IQCH: variants seen among roughly 807,000 people sequenced by gnomAD.
IQCH encodes IQ domain-containing protein H.
Under a neutral mutation model 117.0 loss-of-function variants are expected in IQCH, and 98 were observed. The observed-to-expected ratio is 0.84, with a 90% CI of 0.71 to 0.99. IQCH has a LOEUF of 0.99. Ranked by LOEUF, IQCH falls within the 50% of genes least tolerant of loss-of-function variation. The probability of loss-of-function intolerance (pLI) is 0.00; values close to 1 mark genes in which losing one functional copy is unlikely to be tolerated. For synonymous variants in IQCH, 412 were observed against 448.2 expected, an observed-to-expected ratio of 0.92 and a Z score of 1.02; for missense variants, 1,102 against 1,243.8, an observed-to-expected ratio of 0.89 and a Z score of 1.72.
chr15:67,374,135 T>G (rs1470932957), intron 10 of IQCH: 1 of 152,372 alleles, frequency 6.6e-6, no homozygotes, highest in Non-Finnish European at 1.5e-5. Flanking sequence ...AAATTTGCAT[T>G]GGAGTTTCTT....
chr15:67,394,085 C>CT (rs778843374), intron 12 of IQCH, among the ~76,000 whole-genome samples: 13 of 152,156 alleles, frequency 8.5e-5, no homozygotes, highest in Non-Finnish European at 1.8e-4. Context: ...AGCCCCATCA[C>CT]TTTCCTGTGT....
Position 67,391,571 on chromosome 15 carries a change from C to T in IQCH, c.1632+2565C>T, listed in dbSNP as rs1971285659. On this transcript the variant is annotated intron_variant, in intron 12 of 20. Transcript: ENST00000335894. This position sits in a 1 kb window ranked among gnomAD's most constrained non-coding sequence, Gnocchi z 4.3. ...TTTATGAAGACATCCTAAACAACTA[C>T]CTTTTATCTCAGGTCAAAAAAAAAA... Among the ~76,000 whole-genome samples, 1 of 152,066 alleles carries T rather than the reference C, an allele frequency of 6.6e-6. No homozygotes were observed. Among genetic ancestry groups the T allele is most frequent in the Non-Finnish European group, 1.5e-5 (1 of 68,000 alleles).
chr15:67,396,462 A>G (rs1325611427), intron 13 of IQCH, among the ~76,000 whole-genome samples: 1 of 152,236 alleles, frequency 6.6e-6, no homozygotes, highest in East Asian at 1.9e-4. Context: ...TCCAGCAGAT[A>G]GTCAGGGTCT....
At chr15:67,280,598 T>C (rs1367946151) in intron 4 of IQCH, among the ~76,000 whole-genome samples, 2 of 152,178 alleles carry the variant, frequency 1.3e-5, no homozygotes, top group Admixed American at 1.3e-4. Flanking sequence ...TTCATTAGGG[T>C]TCTACCCTCA....
intron 13 of IQCH, among the ~76,000 whole-genome samples, chr15:67,396,804 A>G (rs528457601): frequency 6.6e-6 from 1 of 152,346 alleles, no homozygotes; most frequent in African/African-American, 2.4e-5. Flanking sequence ...TCAAAAATCT[A>G]GCCTTTCAAC....
chr15:67,415,622 A>G (rs1465175069), intron 14 of IQCH, among the ~76,000 whole-genome samples: 7 of 152,202 alleles, frequency 4.6e-5, no homozygotes, highest in Non-Finnish European at 8.8e-5. Context: ...TGAGCAGTGC[A>G]TAGAGGACAA....
rs935948796 is a variant in IQCH, at chr15:67,391,736, T to C, written c.1632+2730T>C. Among the ~76,000 whole-genome samples, 11 of 152,246 alleles carry C rather than the reference T, an allele frequency of 7.2e-5. No homozygotes were observed. Among genetic ancestry groups the C allele is most frequent in the Non-Finnish European group, 1.6e-4 (11 of 68,044 alleles). ...GTCATACAAGACCTGTGATTAGTGATACATCCTTTGCCATCACTTATTCAC... is the reference window on the plus strand; with the variant it reads ...GTCATACAAGACCTGTGATTAGTGACACATCCTTTGCCATCACTTATTCAC... On this transcript the variant is annotated intron_variant, in intron 12 of 20. Transcript: ENST00000335894. The surrounding 1 kb of genome is among the most constrained non-coding windows in gnomAD (Gnocchi z 4.3).
At chr15:67,294,191 T>C (rs1410115452) in intron 4 of IQCH, among the ~76,000 whole-genome samples, 1 of 152,152 alleles carries the variant, frequency 6.6e-6, no homozygotes, top group Non-Finnish European at 1.5e-5. Context: ...TTCCAACAAT[T>C]TTTCAACACT....
rs556613724 is a variant in IQCH at position 67,384,221 on chromosome 15, C to A, written c.1373-715C>A. ...TGCTTTTTAAGTTTATGTTTTGATT[C>A]ACTTTTTTTAATGACCTGAAATATC... On this transcript the variant is annotated intron_variant, in intron 10 of 20. Coordinates refer to ENST00000335894, the MANE Select transcript of IQCH (RefSeq NM_001031715.3). The surrounding 1 kb of genome is among the most constrained non-coding windows in gnomAD (Gnocchi z 4.3). Among the ~76,000 whole-genome samples, 1 of 152,122 alleles carries A rather than the reference C, an allele frequency of 6.6e-6. No individual in the cohort carries two copies. The highest frequency in any genetic ancestry group is 1.9e-4 in the East Asian group (1 of 5,178).
chr15:67,292,317 A>G (rs2140505511), intron 4 of IQCH, among the ~76,000 whole-genome samples: 1 of 152,264 alleles, frequency 6.6e-6, no homozygotes, highest in Admixed American at 6.5e-5. Flanking sequence ...GTATACAATC[A>G]TGGCTCATCA....
chr15:67,286,904 C>T lies in IQCH; in HGVS notation c.387+7392C>T, dbSNP rs191220996. Among the ~76,000 whole-genome samples, 468 of 152,296 alleles carry T rather than the reference C, an allele frequency of 3.1e-3. 4 individuals are homozygous for T. Among genetic ancestry groups the T allele is most frequent in the Non-Finnish European group, 4.9e-3 (330 of 68,020 alleles). ...CTGGGATTACAGGTGTGAGCCACCA[C>T]GCCCGGCCTATATATGGCTTTTATT... On this transcript the variant is annotated intron_variant, in intron 4 of 20. Transcript: ENST00000335894.
intron 6 of IQCH, 40 bp from the exon 7 acceptor site, chr15:67,357,302 CTCT>C (rs771781551): frequency 8.1e-6 from 11 of 1,355,034 alleles, no homozygotes; most frequent in South Asian, 1.2e-5. Context: ...GTGACTCAGC[CTCT>C]TCTTCTGGAA....
At position 67,356,493 on chromosome 15, in the gene IQCH, T is replaced by C. The variant is rs1358170454; in HGVS notation, c.638-852T>C. ...TCAAAGTGAGATTCTAAATTATATA[T>C]TGATATCCTTTACTAGCATGCTGTT... On this transcript the variant is annotated intron_variant, in intron 6 of 20. Transcript: ENST00000335894. The surrounding 1 kb of genome is among the most constrained non-coding windows in gnomAD (Gnocchi z 5.3). Among the ~76,000 whole-genome samples, 1 of 152,206 alleles carries C rather than the reference T, an allele frequency of 6.6e-6. No individual in the cohort carries two copies. The highest frequency in any genetic ancestry group is 1.5e-5 in the Non-Finnish European group (1 of 68,036).
intron 4 of IQCH, among the ~76,000 whole-genome samples, chr15:67,323,391 C>T (rs1968240035): frequency 6.6e-6 from 1 of 151,658 alleles, no homozygotes; most frequent in Non-Finnish European, 1.5e-5. Context: ...TACAGGAACC[C>T]ACCACCATGC....
At chr15:67,489,500 T>C (rs2083589114) in intron 18 of IQCH, among the ~76,000 whole-genome samples, 1 of 18,472 alleles carries the variant, frequency 5.4e-5, no homozygotes. Context: ...TTTCACCATG[T>C]TGGCCAGGCT....
chr15:67,267,088 A>G (rs73487168), intron 3 of IQCH, among the ~76,000 whole-genome samples: 2 of 152,248 alleles, frequency 1.3e-5, no homozygotes, highest in East Asian at 3.9e-4. Context: ...TGGAGCCTCC[A>G]CTCTCAGGTT....
intron 13 of IQCH, among the ~76,000 whole-genome samples, chr15:67,396,361 C>A (rs1277915231): frequency 2.0e-5 from 3 of 151,880 alleles, no homozygotes; most frequent in African/African-American, 7.2e-5. Context: ...TAAGACAGCT[C>A]CAGGAATAAA....
Position 67,496,259 on chromosome 15 carries a change from G to A in IQCH, c.2970+1893G>A, listed in dbSNP as rs1015556197. ...TTGAGCCTGGGAGGTTGAGGCTGCA[G>A]TGAGTCTGGGTGATGGGAGTAAGAA... is the stretch of plus-strand genomic sequence containing the variant. On this transcript the variant is annotated intron_variant, in intron 20 of 20. Transcript: ENST00000335894. The surrounding 1 kb of genome is among the most constrained non-coding windows in gnomAD (Gnocchi z 4.4). Among the ~76,000 whole-genome samples the A allele has an allele frequency of 2.0e-5, 3 of 152,180 alleles. No individual in the cohort carries two copies. Among genetic ancestry groups the A allele is most frequent in the Non-Finnish European group, 2.9e-5 (2 of 68,034 alleles).
chr15:67,418,103 A>G (rs1031674803), intron 15 of IQCH, among the ~76,000 whole-genome samples: 2 of 152,134 alleles, frequency 1.3e-5, no homozygotes, highest in African/African-American at 4.8e-5. Flanking sequence ...CTGAAGTACA[A>G]AAGATTAACC....
Sources: allele counts gnomAD v4.1 joint callset (sites outside exome capture counted in the v4.1 genomes callset), GRCh38; gene constraint gnomAD v4.1.1; non-coding constraint Gnocchi (gnomAD v3.1); transcripts MANE v1.5; gene names NCBI Gene and HGNC (gene_info 2026-07-23, HGNC 2026-07-21).